Variants in KCNQ5 observed in about 807,000 individuals in gnomAD.
The protein encoded by KCNQ5 is potassium voltage-gated channel subfamily Q member 5.
In KCNQ5, 30 loss-of-function variants were observed where a neutral mutation model predicts 98.2. The observed-to-expected ratio is 0.31, with a 90% CI of 0.23 to 0.41. The LOEUF (loss-of-function observed/expected upper bound fraction) is 0.41. Among genes scored for constraint, KCNQ5 ranks in the 10% least tolerant of loss-of-function variants. The pLI, the probability that KCNQ5 is intolerant of heterozygous loss-of-function variation, is 1.00. For synonymous variants in KCNQ5, 458 were observed against 449.4 expected (o/e 1.02, Z -0.24); for missense variants, 835 against 1,182.5 (o/e 0.71, Z 4.31).
At chr6:73,095,076 A>C (rs1774426264) in intron 5 of KCNQ5, among the ~76,000 whole-genome samples, 1 of 152,146 alleles carries the variant, frequency 6.6e-6, no homozygotes, top group Non-Finnish European at 1.5e-5. Flanking sequence ...AGCTTTGGTC[A>C]TCTAACATAA....
chr6:73,169,676 G>A (rs1777932404), intron 10 of KCNQ5, 70 bp from the exon 11 acceptor site: 2 of 1,118,664 alleles, frequency 1.8e-6, no homozygotes, highest in Middle Eastern at 1.9e-4. Context: ...ATTTCCACGT[G>A]AGAAAAATTC....
chr6:72,782,423 G>A (rs930998060), intron 1 of KCNQ5, among the ~76,000 whole-genome samples: 1 of 152,168 alleles, frequency 6.6e-6, no homozygotes, highest in African/African-American at 2.4e-5. Flanking sequence ...TAAGTTCTAT[G>A]TGCATGAAGA....
At chr6:72,900,445 T>C (rs1779445462) in intron 1 of KCNQ5, among the ~76,000 whole-genome samples, 1 of 143,090 alleles carries the variant, frequency 7.0e-6, no homozygotes. Flanking sequence ...ATGATATATA[T>C]ATCATATATA....
At chr6:73,177,769 A>G (rs188568772) in intron 11 of KCNQ5, among the ~76,000 whole-genome samples, 1 of 152,370 alleles carries the variant, frequency 6.6e-6, no homozygotes, top group Admixed American at 6.5e-5. Context: ...GACATGTTAC[A>G]GTAAAGGACG....
chr6:72,718,478 G>A (rs1769770491), intron 1 of KCNQ5, among the ~76,000 whole-genome samples: 1 of 114,886 alleles, frequency 8.7e-6, no homozygotes, highest in African/African-American at 3.4e-5. Context: ...TTTTGACAGA[G>A]TCTCGCTCTG....
At chr6:72,670,948 G>T (rs1767073474) in intron 1 of KCNQ5, among the ~76,000 whole-genome samples, 1 of 152,114 alleles carries the variant, frequency 6.6e-6, no homozygotes, top group Non-Finnish European at 1.5e-5. Context: ...TATATTGGGG[G>T]TTGGATATTC....
chr6:72,748,683 C>G (rs1771526320), intron 1 of KCNQ5, among the ~76,000 whole-genome samples: 1 of 152,080 alleles, frequency 6.6e-6, no homozygotes, highest in South Asian at 2.1e-4. Flanking sequence ...CTCACTAAAT[C>G]AGGCAGTTGT....
chr6:73,190,484 G>T, intron 11 of KCNQ5, 89 bp from the exon 12 acceptor site: 1 of 637,672 alleles, frequency 1.6e-6, no homozygotes, highest in Non-Finnish European at 2.3e-6. Context: ...TTTCCCCCCA[G>T]AGTTTCTTAT....
chr6:72,825,028 C>A (rs959438551), intron 1 of KCNQ5, among the ~76,000 whole-genome samples: 10 of 152,062 alleles, frequency 6.6e-5, no homozygotes, highest in African/African-American at 2.4e-4. Context: ...ATGAAGAAAT[C>A]TCTTCAAGCT....
At chr6:73,043,945 T>C (rs1391426504) in intron 3 of KCNQ5, among the ~76,000 whole-genome samples, 5 of 152,188 alleles carry the variant, frequency 3.3e-5, no homozygotes, top group Admixed American at 2.0e-4. Flanking sequence ...GATGTTATGT[T>C]ATCTATAATC....
intron 1 of KCNQ5, among the ~76,000 whole-genome samples, chr6:72,953,905 A>G (rs1217244621): frequency 1.3e-5 from 2 of 152,184 alleles, no homozygotes; most frequent in Non-Finnish European, 2.9e-5. Flanking sequence ...TATTTCACTC[A>G]CAATCATTAG....
intron 3 of KCNQ5, among the ~76,000 whole-genome samples, chr6:73,051,618 C>T (rs1479177377): frequency 6.6e-6 from 1 of 150,794 alleles, no homozygotes; most frequent in East Asian, 2.0e-4. Flanking sequence ...GAGCCTTACC[C>T]CCTAAATTCT....
intron 1 of KCNQ5, among the ~76,000 whole-genome samples, chr6:72,836,330 G>T (rs1395100104): frequency 6.6e-6 from 1 of 152,066 alleles, no homozygotes; most frequent in Admixed American, 6.6e-5. Context: ...GGGTTTCTGA[G>T]AATAAACTGA....
At chr6:72,827,490 C>T (rs1776057259) in intron 1 of KCNQ5, among the ~76,000 whole-genome samples, 1 of 152,098 alleles carries the variant, frequency 6.6e-6, no homozygotes, top group East Asian at 1.9e-4. Context: ...TGATGTCAAG[C>T]ATTTTTAAAT....
rs1439476342 is a variant in KCNQ5, at chr6:73,063,710, A to AGAT, written c.617-13611_617-13609dup. On this transcript the variant is annotated intron_variant, in intron 3 of 13. Coordinates refer to ENST00000370398, the MANE Select transcript of KCNQ5 (RefSeq NM_019842.4). ...ATGATAGATAGATAGATAGATAGAT[A>AGAT]GATAGATAGATGATAGATAGATAGA... Among the ~76,000 whole-genome samples the AGAT allele has an allele frequency of 7.3e-3, 896 of 122,076 alleles. 5 individuals are homozygous for AGAT. Among genetic ancestry groups the AGAT allele is most frequent in the Middle Eastern group, 0.028 (7 of 254 alleles). The allele number at this position is 122,076 out of a possible 152,430, so 80.1% of individuals were successfully genotyped here.
At chr6:72,691,884 C>CCAAA (rs1768228991) in intron 1 of KCNQ5, among the ~76,000 whole-genome samples, 1 of 152,170 alleles carries the variant, frequency 6.6e-6, no homozygotes, top group African/African-American at 2.4e-5. Flanking sequence ...GATTTTCAAG[C>CCAAA]ATAAATATTT....
chr6:72,800,638 T>C (rs1460649494), intron 1 of KCNQ5, among the ~76,000 whole-genome samples: 1 of 152,248 alleles, frequency 6.6e-6, no homozygotes, highest in Non-Finnish European at 1.5e-5. Flanking sequence ...AGTTCTGCTC[T>C]GATTTTAGTT....
At chr6:72,973,360 CA>C (rs1767995822) in intron 1 of KCNQ5, among the ~76,000 whole-genome samples, 1 of 151,894 alleles carries the variant, frequency 6.6e-6, no homozygotes, top group Non-Finnish European at 1.5e-5. Flanking sequence ...TATGGGTCAA[CA>C]ATACTTTTTT....
intron 1 of KCNQ5, among the ~76,000 whole-genome samples, chr6:72,763,467 T>C (rs1452711717): frequency 6.6e-6 from 1 of 152,076 alleles, no homozygotes; most frequent in Non-Finnish European, 1.5e-5. Context: ...TCTCCATAAA[T>C]CCTTCTTTTA....
Sources: allele counts gnomAD v4.1 joint callset (sites outside exome capture counted in the v4.1 genomes callset), GRCh38; gene constraint gnomAD v4.1.1; transcripts MANE v1.5; gene names NCBI Gene and HGNC (gene_info 2026-07-23, HGNC 2026-07-21).